The following CD163L1 variants were observed in gnomAD, a reference collection of about 807,000 sequenced individuals.
The protein encoded by CD163L1 is CD163 molecule like 1, also known as scavenger receptor cysteine-rich type 1 protein M160.
Under a neutral mutation model 165.4 loss-of-function variants are expected in CD163L1, and 124 were observed. The ratio of observed to expected loss-of-function variants is 0.75; its 90% CI spans 0.65 to 0.87. The LOEUF (loss-of-function observed/expected upper bound fraction) is 0.87, where lower values mean the gene tolerates loss of function less well. Ranked by LOEUF, CD163L1 falls within the 40% of genes least tolerant of loss-of-function variation. The probability of loss-of-function intolerance (pLI) is 0.00; values close to 1 mark genes in which losing one functional copy is unlikely to be tolerated. For missense variants in CD163L1, 1,525 were observed against 1,799.9 expected (o/e 0.85, Z 2.76); for synonymous variants, 585 against 662.2 (o/e 0.88, Z 1.79).
chr12:7,351,474 C>T (rs902868297), downstream of CD163L1, among the ~76,000 whole-genome samples: 5 of 152,106 alleles, frequency 3.3e-5, no homozygotes, highest in African/African-American at 1.2e-4. Context: ...AGAGAGAGCA[C>T]TCTGATGTCT....
intron 2 of CD163L1, chr12:7,439,494 T>G: frequency 6.3e-7 from 1 of 1,585,086 alleles, no homozygotes; most frequent in South Asian, 1.2e-5. Flanking sequence ...TCAGATCATC[T>G]GGGCTTTTCT....
At chr12:7,427,299 C>G (rs765711275) in intron 4 of CD163L1, among the ~76,000 whole-genome samples, 4 of 152,062 alleles carry the variant, frequency 2.6e-5, no homozygotes, top group African/African-American at 4.8e-5. Flanking sequence ...CTTTAGATGG[C>G]ATGTCTTCAT....
intron 18 of CD163L1, among the ~76,000 whole-genome samples, chr12:7,363,241 G>A (rs928662536): frequency 2.6e-5 from 4 of 151,764 alleles, no homozygotes; most frequent in African/African-American, 4.8e-5. Flanking sequence ...CCCAGGAGGC[G>A]GAGGTCGCAG....
downstream of CD163L1, among the ~76,000 whole-genome samples, chr12:7,343,009 C>T (rs771997058): frequency 1.1e-4 from 17 of 152,092 alleles, no homozygotes; most frequent in Non-Finnish European, 1.2e-4. Flanking sequence ...CTCAACTACA[C>T]GCAATATCTT....
intron 2 of CD163L1, chr12:7,439,591 T>C: frequency 6.3e-7 from 1 of 1,594,586 alleles, no homozygotes; most frequent in South Asian, 1.1e-5. Context: ...AGAGTTCGCC[T>C]CAAATATGTC....
chr12:7,411,119 A>C (rs1335892112), intron 4 of CD163L1, among the ~76,000 whole-genome samples: 1 of 152,048 alleles, frequency 6.6e-6, no homozygotes, highest in Non-Finnish European at 1.5e-5. Flanking sequence ...GAGAAAAGGG[A>C]AAGTCATAAA....
chr12:7,443,929 T>C (rs937125394), intron 1 of CD163L1, among the ~76,000 whole-genome samples, 168 bp downstream of exon 1: 1 of 152,202 alleles, frequency 6.6e-6, no homozygotes, highest in Non-Finnish European at 1.5e-5. Context: ...TTGCCTCCAA[T>C]ATTGCTGCTA....
At chr12:7,440,106 CGGGCTTGGACCCGCCGCGCCA>C (rs1948802426) in intron 2 of CD163L1, 1 of 802,176 alleles carries the variant, frequency 1.2e-6, no homozygotes. Context: ...CGACCAATGG[CGGGCTTGGACCCGCCGCGCCA>C]GCGTGGCCAC....
At chr12:7,377,632 A>G (rs186876610) in intron 9 of CD163L1, among the ~76,000 whole-genome samples, 62 of 152,218 alleles carry the variant, frequency 4.1e-4, no homozygotes, top group Admixed American at 2.2e-3. Context: ...AAATTTATTC[A>G]TGACTTCTCT....
rs768037068 is a variant in CD163L1, at chr12:7,393,156, C to T, written c.2050+2939G>A. Among the ~76,000 whole-genome samples the T allele has an allele frequency of 3.9e-5, 6 of 152,208 alleles. No individual in the cohort carries two copies. In the East Asian group the frequency reaches 9.7e-4, roughly 24 times the overall value. ...TTAAACCAATAACCCTAATGAACAT[C>T]GATGCAAAAATCCTCAATAAAATAC... On this transcript the variant is annotated intron_variant, in intron 8 of 19. Coordinates refer to ENST00000313599, the MANE Select transcript of CD163L1 (RefSeq NM_174941.6).
chr12:7,398,672 A>C lies in CD163L1; in HGVS notation c.1409-88T>G. On this transcript the variant is annotated intron_variant, in intron 6 of 19. Transcript: ENST00000313599. This position sits in a 1 kb window ranked among gnomAD's most constrained non-coding sequence, Gnocchi z 4.5. ...AAGACTCTCTAAATTCACGACTATA[A>C]GGCTTTGCCTAACAGGTGATATATT... is the stretch of plus-strand genomic sequence containing the variant. 1 of 1,158,724 alleles carries C rather than the reference A, an allele frequency of 8.6e-7. No individual in the cohort carries two copies. The highest frequency in any genetic ancestry group is 1.2e-6 in the Non-Finnish European group (1 of 842,434). 71.8% of individuals were successfully genotyped at this position (1,158,724 alleles called of 1,614,324 possible). A position where few individuals can be genotyped will look rare whatever the true frequency, so the allele number is the denominator to read the frequency against.
rs1947815416 is a variant in CD163L1, at chr12:7,398,038, G to A, written c.1729+226C>T. ...GGCCAAACTGCTTCTGTATATGGTA[G>A]GGGAAGGGATCCAAAGGATCATAGT... On this transcript the variant is annotated intron_variant, in intron 7 of 19. Transcript: ENST00000313599. The surrounding 1 kb of genome is among the most constrained non-coding windows in gnomAD (Gnocchi z 4.5). Among the ~76,000 whole-genome samples the A allele has an allele frequency of 6.6e-6, 1 of 152,162 alleles. No homozygotes were observed. Among genetic ancestry groups the A allele is most frequent in the Non-Finnish European group, 1.5e-5 (1 of 68,030 alleles).
In CD163L1 at chr12:7,369,524, G is replaced by C; in HGVS notation, c.3872C>G (p.Ser1291Cys). Residue 1291 changes from serine (S) to cysteine (C), a missense_variant, in exon 15 of 20, where the codon TCT (serine) becomes TGT (cysteine). Physicochemically the swap from Ser to Cys is moderately radical, Grantham distance 112. Coordinates refer to ENST00000313599, the MANE Select transcript of CD163L1 (RefSeq NM_174941.6). This position sits in a 1 kb window ranked among gnomAD's most constrained non-coding sequence, Gnocchi z 4.9. Reference protein sequence around the residue: ...EVVCQQLGCGSALAALRDASF... With the variant: ...EVVCQQLGCGCALAALRDASF... ...AGCGTCCCTCAGGGCAGCCAGAGCA[G>C]AGCCACAGCCCAGCTGCTGACACAC... 1 of 1,614,158 alleles carries C rather than the reference G, an allele frequency of 6.2e-7. No individual in the cohort carries two copies. The highest frequency in any genetic ancestry group is 1.7e-5 in the Admixed American group (1 of 60,030).
chr12:7,378,731 G>C (rs895327462), intron 9 of CD163L1, among the ~76,000 whole-genome samples: 1 of 152,072 alleles, frequency 6.6e-6, no homozygotes, highest in African/African-American at 2.4e-5. Context: ...TCTGCAAATA[G>C]GTAATATCTT....
the CD163L1 span, chr12:7,320,726 CACTT>C: frequency 6.2e-7 from 1 of 1,612,830 alleles, no homozygotes; most frequent in African/African-American, 1.3e-5. Flanking sequence ...ATCATCCAGA[CACTT>C]ACTACTTATC....
chr12:7,407,981 C>T (rs987572332), intron 4 of CD163L1, among the ~76,000 whole-genome samples: 1 of 151,890 alleles, frequency 6.6e-6, no homozygotes, highest in African/African-American at 2.4e-5. Context: ...TTTTAATCAG[C>T]GGTTGGTTGA....
chr12:7,397,460 T>G (rs1057082664), intron 7 of CD163L1, among the ~76,000 whole-genome samples: 4 of 152,194 alleles, frequency 2.6e-5, no homozygotes, highest in Admixed American at 6.5e-5. Flanking sequence ...GTGAGGGATT[T>G]AATTGGGATG....
chr12:7,331,519 T>A, the CD163L1 span, among the ~76,000 whole-genome samples: 1 of 152,188 alleles, frequency 6.6e-6, no homozygotes, highest in African/African-American at 2.4e-5. Context: ...GTAGCCTAAC[T>A]GGGAGGCACC....
intron 4 of CD163L1, among the ~76,000 whole-genome samples, chr12:7,426,028 C>A (rs181548484): frequency 6.6e-6 from 1 of 152,248 alleles, no homozygotes; most frequent in East Asian, 1.9e-4. Flanking sequence ...AAAGCAAAGA[C>A]TTGGAACCAA....
Sources: allele counts gnomAD v4.1 joint callset (sites outside exome capture counted in the v4.1 genomes callset), GRCh38; gene constraint gnomAD v4.1.1; non-coding constraint Gnocchi (gnomAD v3.1); transcripts MANE v1.5; gene names NCBI Gene and HGNC (gene_info 2026-07-23, HGNC 2026-07-21).